The following PRKAR2A variants were observed in gnomAD, a reference collection of about 807,000 sequenced individuals.
PRKAR2A encodes protein kinase cAMP-dependent type II regulatory subunit alpha, also known as cAMP-dependent protein kinase type II-alpha regulatory subunit.
In PRKAR2A, 29 loss-of-function variants were observed where a neutral mutation model predicts 51.9. The ratio of observed to expected loss-of-function variants is 0.56; its 90% CI spans 0.42 to 0.76. PRKAR2A has a LOEUF of 0.76. Ranked by LOEUF, PRKAR2A falls within the 30% of genes least tolerant of loss-of-function variation. The pLI, the probability that PRKAR2A is intolerant of heterozygous loss-of-function variation, is 0.00. For missense variants in PRKAR2A, 445 were observed against 512.1 expected, an observed-to-expected ratio of 0.87 and a Z score of 1.26; for synonymous variants, 178 against 186.2, an observed-to-expected ratio of 0.96 and a Z score of 0.36.
intron 4 of PRKAR2A, among the ~76,000 whole-genome samples, chr3:48,787,181 T>C (rs932602260): frequency 1.3e-5 from 2 of 151,588 alleles, no homozygotes; most frequent in African/African-American, 4.9e-5. Context: ...TATTTATTTA[T>C]TTATTTATGT....
chr3:48,816,495 G>A (rs963587191), intron 1 of PRKAR2A, among the ~76,000 whole-genome samples: 32 of 151,930 alleles, frequency 2.1e-4, no homozygotes, highest in African/African-American at 7.3e-4. Flanking sequence ...AAAATTAGCC[G>A]GGTGTGGTGG....
intron 6 of PRKAR2A, among the ~76,000 whole-genome samples, chr3:48,767,342 G>T (rs1428202428): frequency 2.6e-5 from 4 of 151,836 alleles, no homozygotes; most frequent in African/African-American, 9.7e-5. Flanking sequence ...AGCCAGGCAT[G>T]GTGGTGGGCG....
rs1445354801 is a variant in PRKAR2A, at chr3:48,749,344, A to T, written c.*2241T>A. The T allele has an allele frequency of 6.6e-6, 1 of 152,196 alleles. No homozygotes were observed. The highest frequency in any genetic ancestry group is 1.5e-5 in the Non-Finnish European group (1 of 68,030). The allele number at this position is 152,196 out of a possible 1,614,324, so 9.4% of individuals were successfully genotyped here. On this transcript the variant is annotated 3_prime_UTR_variant, in exon 11 of 11. Coordinates refer to ENST00000265563, the MANE Select transcript of PRKAR2A (RefSeq NM_004157.4). ...GATCACTGGAATTCTACCAGATATA[A>T]GTAAAAGGCTAAATGGGTTTTAAAT...
At chr3:48,779,823 AT>A (rs376976347) in intron 5 of PRKAR2A, among the ~76,000 whole-genome samples, 6 of 147,724 alleles carry the variant, frequency 4.1e-5, no homozygotes, top group Admixed American at 2.7e-4. Flanking sequence ...AAATAAATAA[AT>A]AAATAAAATA....
chr3:48,782,955 G>A (rs1168492152), intron 5 of PRKAR2A, 31 bp downstream of exon 5: 1 of 1,418,006 alleles, frequency 7.1e-7, no homozygotes, highest in Middle Eastern at 1.8e-4. Flanking sequence ...GATTAAGTGT[G>A]GCCACACAAT....
intron 10 of PRKAR2A, 139 bp from the exon 11 acceptor site, chr3:48,751,857 A>G (rs1412424404): frequency 7.7e-6 from 8 of 1,034,888 alleles, no homozygotes; most frequent in African/African-American, 4.8e-5. Context: ...GGATGTTTCT[A>G]TATGAATTCA....
chr3:48,799,750 G>A (rs1041457636), intron 2 of PRKAR2A, among the ~76,000 whole-genome samples: 2 of 152,164 alleles, frequency 1.3e-5, no homozygotes, highest in African/African-American at 4.8e-5. Context: ...AAAATATTCT[G>A]TTCCTAAATG....
intron 8 of PRKAR2A, among the ~76,000 whole-genome samples, chr3:48,764,101 A>G (rs1022517247): frequency 2.0e-5 from 3 of 152,224 alleles, no homozygotes; most frequent in Admixed American, 2.0e-4. Flanking sequence ...TAGGATAAGC[A>G]TATCACCCAA....
chr3:48,815,103 A>G (rs928829407), intron 1 of PRKAR2A, among the ~76,000 whole-genome samples: 1 of 151,934 alleles, frequency 6.6e-6, no homozygotes, highest in Non-Finnish European at 1.5e-5. Context: ...CAGTAGAGAC[A>G]GGGTTTCGCC....
intron 5 of PRKAR2A, among the ~76,000 whole-genome samples, chr3:48,780,880 T>G (rs1443397222): frequency 6.6e-6 from 1 of 152,166 alleles, no homozygotes; most frequent in East Asian, 1.9e-4. Context: ...ATAATTGTTC[T>G]GTAGTAAAGT....
At chr3:48,840,613 C>T (rs2083363723) in intron 1 of PRKAR2A, among the ~76,000 whole-genome samples, 1 of 96,964 alleles carries the variant, frequency 1.0e-5, no homozygotes, top group African/African-American at 4.1e-5. Context: ...GTCTCACTCT[C>T]TCGCCCAGGC....
chr3:48,815,341 A>T (rs1575921307), intron 1 of PRKAR2A, among the ~76,000 whole-genome samples: 1 of 150,940 alleles, frequency 6.6e-6, no homozygotes, highest in Non-Finnish European at 1.5e-5. Flanking sequence ...TATTTTATAT[A>T]TTATATATAT....
At chr3:48,759,825 T>C (rs538919486) in intron 8 of PRKAR2A, among the ~76,000 whole-genome samples, 1 of 152,348 alleles carries the variant, frequency 6.6e-6, no homozygotes, top group South Asian at 2.1e-4. Context: ...CAGGTTCTTA[T>C]ATGTCTCTTT....
intron 1 of PRKAR2A, among the ~76,000 whole-genome samples, chr3:48,829,869 ATATTTT>A (rs1384126100): frequency 3.9e-5 from 3 of 76,850 alleles, no homozygotes; most frequent in African/African-American, 1.8e-4. Context: ...ATATATATAT[ATATTTT>A]TTTTTTTTTT....
chr3:48,795,772 T>A (rs985585069), intron 2 of PRKAR2A, among the ~76,000 whole-genome samples: 4 of 152,166 alleles, frequency 2.6e-5, no homozygotes, highest in Non-Finnish European at 5.9e-5. Flanking sequence ...CCTGACCTTG[T>A]GATCCATCTG....
chr3:48,838,488 T>A (rs2083321700), intron 1 of PRKAR2A, among the ~76,000 whole-genome samples: 1 of 150,968 alleles, frequency 6.6e-6, no homozygotes, highest in African/African-American at 2.4e-5. Context: ...ATGCCGGTAA[T>A]CCCAGCTACT....
At chr3:48,835,160 G>A (rs1242794572) in intron 1 of PRKAR2A, among the ~76,000 whole-genome samples, 3 of 151,948 alleles carry the variant, frequency 2.0e-5, no homozygotes, top group African/African-American at 4.8e-5. Flanking sequence ...TAGTAGAGAC[G>A]GGGTTTCCCC....
At chr3:48,837,253 A>G (rs2083301644) in intron 1 of PRKAR2A, among the ~76,000 whole-genome samples, 1 of 152,174 alleles carries the variant, frequency 6.6e-6, no homozygotes, top group Non-Finnish European at 1.5e-5. Context: ...GTAATGACCT[A>G]TGATTCTGCT....
chr3:48,790,485 CAAAT>C (rs2082366069), intron 4 of PRKAR2A, 55 bp downstream of exon 4: 4 of 1,273,582 alleles, frequency 3.1e-6, no homozygotes, highest in Admixed American at 5.2e-5. Context: ...GTTTAAGTGA[CAAAT>C]AGGAGCAAAG....
Sources: allele counts gnomAD v4.1 joint callset (sites outside exome capture counted in the v4.1 genomes callset), GRCh38; gene constraint gnomAD v4.1.1; transcripts MANE v1.5; gene names NCBI Gene and HGNC (gene_info 2026-07-23, HGNC 2026-07-21).